C11orf91: variants seen among roughly 807,000 people sequenced by gnomAD.
The protein encoded by C11orf91 is chromosome 11 open reading frame 91.
In C11orf91, 10 loss-of-function variants were observed where a neutral mutation model predicts 14.3. The observed-to-expected ratio is 0.70, with a 90% confidence interval of 0.43 to 1.18. The LOEUF (loss-of-function observed/expected upper bound fraction) is 1.18, where lower values mean the gene tolerates loss of function less well. C11orf91 is among the 50% of genes most tolerant of loss of function. C11orf91 has a pLI of 0.00. For missense variants in C11orf91, 236 were observed against 269.0 expected, an observed-to-expected ratio of 0.88 and a Z score of 0.86; for synonymous variants, 141 against 130.6, an observed-to-expected ratio of 1.08 and a Z score of -0.54.
At chr11:33,702,329 G>T (rs1853142054), upstream of C11orf91, among the ~76,000 whole-genome samples, 1 of 152,134 alleles carries the variant, frequency 6.6e-6, no homozygotes, top group South Asian at 2.1e-4. Flanking sequence ...GGTGGCATTT[G>T]CCTGGAGCCA....
In C11orf91 at chr11:33,700,483, G is replaced by C; in HGVS notation, c.258C>G (p.Ser86Arg). The C allele has an allele frequency of 1.4e-6, 2 of 1,388,380 alleles. No homozygotes were observed. The highest frequency in any genetic ancestry group is 1.9e-6 in the Non-Finnish European group (2 of 1,080,676). The allele number at this position is 1,388,380 out of a possible 1,614,324, so 86.0% of individuals were successfully genotyped here. A position where few individuals can be genotyped will look rare whatever the true frequency, so the allele number is the denominator to read the frequency against. ...PPPPPGLGPS[S>R]ERPWPSPWPS... ...GCCAGGGCGAGGGCCAGGGGCGCTC[G>C]CTGGAGGGACCCAGGCCGGGTGGTG... The change falls in exon 1 of 2, where the codon AGC becomes AGG. Residue 86 changes from serine (S) to arginine (R), a missense_variant. Coordinates refer to ENST00000379011, the MANE Select transcript of C11orf91 (RefSeq NM_001166692.2).
rs1472356335 is a variant in C11orf91, at chr11:33,700,564, C to T, written c.177G>A (p.Ala59=). Residue 59 remains alanine, a synonymous_variant, in exon 1 of 2, where the codon GCG becomes GCA. Coordinates refer to ENST00000379011, the MANE Select transcript of C11orf91 (RefSeq NM_001166692.2). The part of the protein sequence containing the change: ...LKAGGAPVGG[A]AGARSLSQAL... ...CCTGGGACAGGGACCGGGCCCCCGC[C>T]GCCCCGCCCACTGGCGCCCCGCCCG... 6.9e-7 allele frequency: 1 copy of T among 1,447,266 alleles called. No homozygotes were observed. Among genetic ancestry groups the T allele is most frequent in the Non-Finnish European group, 9.1e-7 (1 of 1,103,446 alleles). 89.7% of individuals were successfully genotyped at this position (1,447,266 alleles called of 1,614,324 possible).
rs901686131 is a variant in C11orf91, at chr11:33,700,406, G to C, written c.335C>G (p.Pro112Arg). 6.5e-6 allele frequency: 10 copies of C among 1,529,362 alleles called. No individual in the cohort carries two copies. The African/African-American group carries it at 1.1e-4, about 17-fold the overall frequency. 94.7% of individuals were successfully genotyped at this position (1,529,362 alleles called of 1,614,324 possible). A position where few individuals can be genotyped will look rare whatever the true frequency, so the allele number is the denominator to read the frequency against. ...GGCAACCACCTCAGGCCCCGGCGGC[G>C]GTGAGTAGAAGAAGCGCAGAGGCTC... ...PYEPLRFFYS[P>R]PPGPEVVASP... The change falls in exon 1 of 2, where the codon CCG becomes CGG. Residue 112 changes from proline (P) to arginine (R), a missense_variant. Physicochemically the swap from Pro to Arg is moderately radical, Grantham distance 103. Transcript: ENST00000379011.
chr11:33,705,234 G>A (rs1172705190), upstream of C11orf91: 1 of 152,210 alleles, frequency 6.6e-6, no homozygotes, highest in Non-Finnish European at 1.5e-5. Flanking sequence ...TATCCTGACA[G>A]TAACACTTAT....
chr11:33,699,097 G>A (rs1032297584), intron 1 of C11orf91, among the ~76,000 whole-genome samples: 2 of 151,890 alleles, frequency 1.3e-5, no homozygotes, highest in African/African-American at 2.4e-5. Context: ...CACCACACCC[G>A]GCCCCTGGAT....
chr11:33,703,746 C>G (rs553132200), upstream of C11orf91: 1 of 152,286 alleles, frequency 6.6e-6, no homozygotes, highest in East Asian at 1.9e-4. Context: ...GATTCTTCCT[C>G]CAGCCTCACC....
chr11:33,704,259 T>C (rs1479158138), upstream of C11orf91: 1 of 152,220 alleles, frequency 6.6e-6, no homozygotes, highest in Non-Finnish European at 1.5e-5. Context: ...ACCCCAATTG[T>C]CTCTGATCTA....
rs905153301 is a variant in C11orf91, at chr11:33,698,407, C to T, written c.*22G>A. On this transcript the variant is annotated 3_prime_UTR_variant, in exon 2 of 2. Coordinates refer to ENST00000379011, the MANE Select transcript of C11orf91 (RefSeq NM_001166692.2). ...CACTAACACCTAAGGAGGTGGCTGC[C>T]CAAGCTCTGGTAGGCAGCTCCTCAG... The T allele has an allele frequency of 9.8e-5, 145 of 1,483,868 alleles. No individual in the cohort carries two copies. The Admixed American group carries it at 2.8e-3, about 29-fold the overall frequency. 91.9% of individuals were successfully genotyped at this position (1,483,868 alleles called of 1,614,324 possible). A position where few individuals can be genotyped will look rare whatever the true frequency, so the allele number is the denominator to read the frequency against.
chr11:33,698,366 G>A lies in C11orf91; in HGVS notation c.*63C>T. ...ACCATCTTTGAAATGACAACAAATG[G>A]GACACATTATCTAAGCACTAACACC... On this transcript the variant is annotated 3_prime_UTR_variant, in exon 2 of 2. Coordinates refer to ENST00000379011, the MANE Select transcript of C11orf91 (RefSeq NM_001166692.2). 1.1e-6 allele frequency: 1 copy of A among 933,992 alleles called. No individual in the cohort carries two copies. Among genetic ancestry groups the A allele is most frequent in the East Asian group, 2.6e-5 (1 of 38,306 alleles). The allele number at this position is 933,992 out of a possible 1,614,324, so 57.9% of individuals were successfully genotyped here.
At chr11:33,698,857 T>A (rs913921258) in intron 1 of C11orf91, among the ~76,000 whole-genome samples, 2 of 147,226 alleles carry the variant, frequency 1.4e-5, no homozygotes, top group African/African-American at 5.0e-5. Context: ...CTTGGCTTAC[T>A]GCAACCTCGG....
chr11:33,699,709 CA>C, intron 1 of C11orf91: 1 of 451,896 alleles, frequency 2.2e-6, no homozygotes. Flanking sequence ...GGCTGCCCCC[CA>C]GCATTGAGAA....
At chr11:33,701,775 G>GTGTC (rs1012949400), upstream of C11orf91, among the ~76,000 whole-genome samples, 6 of 152,078 alleles carry the variant, frequency 3.9e-5, no homozygotes, top group African/African-American at 1.4e-4. Context: ...GTGTGTGTGT[G>GTGTC]TGTGTGTAGC....
At chr11:33,700,993 C>CCTCCCGTCCCTCGA (rs576437530), upstream of C11orf91, among the ~76,000 whole-genome samples, 8 of 152,320 alleles carry the variant, frequency 5.3e-5, no homozygotes, top group East Asian at 1.5e-3. Context: ...CCTCGCCTCG[C>CCTCCCGTCCCTCGA]CTCCCGTCCC....
chr11:33,698,437 G>C lies in C11orf91; in HGVS notation c.574C>G (p.Leu192Val), dbSNP rs1206691912. The C allele has an allele frequency of 1.3e-6, 2 of 1,536,614 alleles. No individual in the cohort carries two copies. The highest frequency in any genetic ancestry group is 8.7e-7 in the Non-Finnish European group (1 of 1,146,224). The part of the protein sequence containing the change: ...TKQPGKKSAS[L>V]S ...CTCTGGTAGGCAGCTCCTCAGGAGA[G>C]AGAGGCCGACTTCTTTCCAGGTTGC... Residue 192 changes from leucine to valine, a missense_variant, in exon 2 of 2, where the codon CTC becomes GTC. Physicochemically the swap from Leu to Val is conservative, Grantham distance 32. Transcript: ENST00000379011.
Position 33,700,287 on chromosome 11 carries a change from C to G in C11orf91, c.454G>C (p.Glu152Gln), listed in dbSNP as rs1288441043. 2.0e-6 allele frequency: 3 copies of G among 1,535,044 alleles called. No individual in the cohort carries two copies. Among genetic ancestry groups the G allele is most frequent in the Non-Finnish European group, 2.6e-6 (3 of 1,146,558 alleles). ...CELEIRIKEL[E>Q]LLTITGDGFD... is the part of the protein sequence containing the mutation. ...CCGTCCCCAGTGATGGTGAGCAACTCCAGCTCCTTAATCCGGATCTCCAGC... is the reference window on the plus strand; with the variant it reads ...CCGTCCCCAGTGATGGTGAGCAACTGCAGCTCCTTAATCCGGATCTCCAGC... The change falls in exon 1 of 2, where the codon GAG (glutamate) becomes CAG (glutamine). Residue 152 changes from glutamate to glutamine, a missense_variant. Physicochemically the swap from Glu to Gln is conservative, Grantham distance 29 (BLOSUM62 2). Coordinates refer to ENST00000379011, the MANE Select transcript of C11orf91 (RefSeq NM_001166692.2).
chr11:33,703,865 A>G (rs1412903495), upstream of C11orf91: 2 of 152,196 alleles, frequency 1.3e-5, no homozygotes, highest in Admixed American at 6.5e-5. Context: ...TTCACTCTCT[A>G]TTTAACCGAG....
chr11:33,700,519 G>GGGCGGT lies in C11orf91; in HGVS notation c.221_222insACCGCC (p.Pro79_Pro80dup), dbSNP rs1226769793. Reference sequence around the variant, plus strand: ...CCAGGCCGGGTGGTGGCGGGGGCGGGGGCGCCGGGGCGGGGAGCGCCTGGG... The same window carrying GGGCGGT: ...CCAGGCCGGGTGGTGGCGGGGGCGGGGGCGGTGGCGCCGGGGCGGGGAGCGCCTGGG... On this transcript the variant is annotated inframe_insertion, in exon 1 of 2. Transcript: ENST00000379011. 2 of 1,346,112 alleles carry GGGCGGT rather than the reference G, an allele frequency of 1.5e-6. No homozygotes were observed. Among genetic ancestry groups the GGGCGGT allele is most frequent in the Admixed American group, 8.0e-5 (2 of 25,062 alleles). 83.4% of individuals were successfully genotyped at this position (1,346,112 alleles called of 1,614,324 possible). A position where few individuals can be genotyped will look rare whatever the true frequency, so the allele number is the denominator to read the frequency against.
chr11:33,700,775 C>G lies in C11orf91; in HGVS notation c.-35G>C. On this transcript the variant is annotated 5_prime_UTR_variant, in exon 1 of 2. Coordinates refer to ENST00000379011, the MANE Select transcript of C11orf91 (RefSeq NM_001166692.2). ...GAGGGTCTGCGTGGGAGGAACCCCG[C>G]GCCGGGAGACGCGCGCTCAGGCCCC... is the stretch of plus-strand genomic sequence containing the variant. The G allele has an allele frequency of 7.9e-7, 1 of 1,263,424 alleles. No individual in the cohort carries two copies. The highest frequency in any genetic ancestry group is 9.9e-7 in the Non-Finnish European group (1 of 1,005,666). 78.3% of individuals were successfully genotyped at this position (1,263,424 alleles called of 1,614,324 possible). A position where few individuals can be genotyped will look rare whatever the true frequency, so the allele number is the denominator to read the frequency against.
chr11:33,700,458 G>A lies in C11orf91; in HGVS notation c.283C>T (p.Pro95Ser). Residue 95 changes from proline to serine, a missense_variant, in exon 1 of 2, where the codon CCC (proline) becomes TCC (serine). Coordinates refer to ENST00000379011, the MANE Select transcript of C11orf91 (RefSeq NM_001166692.2). ...SSERPWPSPW[P>S]SGLASIPYEP... Reference sequence around the variant, plus strand: ...TAGGGGATGGAGGCCAGGCCGGAGGGCCAGGGCGAGGGCCAGGGGCGCTCG... The same window carrying A: ...TAGGGGATGGAGGCCAGGCCGGAGGACCAGGGCGAGGGCCAGGGGCGCTCG... The A allele has an allele frequency of 7.0e-7, 1 of 1,418,574 alleles. No homozygotes were observed. The highest frequency in any genetic ancestry group is 3.1e-5 in the East Asian group (1 of 32,434). The allele number at this position is 1,418,574 out of a possible 1,614,324, so 87.9% of individuals were successfully genotyped here. A position where few individuals can be genotyped will look rare whatever the true frequency, so the allele number is the denominator to read the frequency against.
Sources: gnomAD v4.1 joint callset for allele counts (sites outside exome capture counted in the v4.1 genomes callset) on GRCh38, gnomAD v4.1.1 for gene constraint, MANE v1.5 for transcripts, NCBI Gene and HGNC (gene_info 2026-07-23, HGNC 2026-07-21) for gene names.